Variants in SUGP2 observed in about 807,000 individuals in gnomAD.
The protein encoded by SUGP2 is SURP and G-patch domain-containing protein 2.
In SUGP2, 24 loss-of-function variants were observed where a neutral mutation model predicts 90.5. That is an observed-to-expected ratio of 0.27 (90% confidence interval 0.19 to 0.37). SUGP2 has a LOEUF of 0.37. Ranked by LOEUF, SUGP2 falls within the 10% of genes least tolerant of loss-of-function variation. The pLI, the probability that SUGP2 is intolerant of heterozygous loss-of-function variation, is 1.00. For missense variants in SUGP2, 1,233 were observed against 1,363.3 expected (o/e 0.90, Z 1.51); for synonymous variants, 473 against 513.4 (o/e 0.92, Z 1.06).
chr19:19,031,808 G>A (rs1196186766), intron 1 of SUGP2, among the ~76,000 whole-genome samples: 1 of 147,826 alleles, frequency 6.8e-6, no homozygotes, highest in African/African-American at 2.5e-5. Context: ...AGGCAAGCTG[G>A]ACCCTTTTTA....
intron 8 of SUGP2, among the ~76,000 whole-genome samples, chr19:18,996,123 G>A (rs538199465): frequency 2.6e-5 from 4 of 152,318 alleles, no homozygotes; most frequent in South Asian, 2.1e-4. Context: ...TGGGCTGGGC[G>A]TGGTGGCTCA....
intron 1 of SUGP2, among the ~76,000 whole-genome samples, chr19:19,032,205 C>T (rs937123307): frequency 6.6e-6 from 1 of 150,476 alleles, no homozygotes; most frequent in East Asian, 1.9e-4. Flanking sequence ...GTTGCCCAGG[C>T]TGGAGTGCAG....
At chr19:19,013,880 T>C (rs2058394337) in intron 4 of SUGP2, among the ~76,000 whole-genome samples, 1 of 152,246 alleles carries the variant, frequency 6.6e-6, no homozygotes, top group Non-Finnish European at 1.5e-5. Flanking sequence ...GTTGTTATCA[T>C]TTTCTAGGCT....
intron 8 of SUGP2, among the ~76,000 whole-genome samples, chr19:18,995,509 A>C (rs1210540352): frequency 6.6e-6 from 1 of 152,128 alleles, no homozygotes; most frequent in African/African-American, 2.4e-5. Context: ...CTCAGCTACC[A>C]CTATAACCCT....
chr19:19,023,759 T>C (rs576397939), intron 3 of SUGP2, among the ~76,000 whole-genome samples: 1 of 152,116 alleles, frequency 6.6e-6, no homozygotes, highest in African/African-American at 2.4e-5. Flanking sequence ...CCAGGCATGG[T>C]GGTACATGCC....
intron 4 of SUGP2, among the ~76,000 whole-genome samples, chr19:19,015,126 C>A (rs139492114): frequency 0.012 from 1,811 of 151,924 alleles, 44 homozygotes; most frequent in African/African-American, 0.041. Context: ...GGTGTGAACC[C>A]GGGAGGCAGA....
At chr19:19,010,421 T>C (rs2058265817) in intron 4 of SUGP2, 79 bp from the exon 5 acceptor site, 2 of 1,541,230 alleles carry the variant, frequency 1.3e-6, no homozygotes, top group South Asian at 2.4e-5. Context: ...ACACAAACCC[T>C]TTCTAAGTGG....
chr19:19,016,232 C>T (rs1225192175), intron 4 of SUGP2, among the ~76,000 whole-genome samples: 8 of 152,016 alleles, frequency 5.3e-5, no homozygotes, highest in Admixed American at 3.9e-4. Flanking sequence ...AGGGTTTCAC[C>T]GTGTTCGCCA....
At position 19,007,953 on chromosome 19, in the gene SUGP2, T is replaced by C. The variant is rs144159978; in HGVS notation, c.2450+364A>G. 7.5e-3 allele frequency among the ~76,000 whole-genome samples: 1,146 copies of C among 152,082 alleles called. 54 individuals are homozygous for C. Among genetic ancestry groups the C allele is most frequent in the Admixed American group, 0.066 (1,009 of 15,244 alleles). Reference sequence around the variant, plus strand: ...TTTTGTATTTTTGTAGAGATGGGGTTTTAGCATGGTGGCCAGGCTGGTCTC... The same window carrying C: ...TTTTGTATTTTTGTAGAGATGGGGTCTTAGCATGGTGGCCAGGCTGGTCTC... On this transcript the variant is annotated intron_variant, in intron 6 of 10. Transcript: ENST00000452918.
chr19:18,999,173 G>GTTTAACAATC (rs1392599297), intron 8 of SUGP2, among the ~76,000 whole-genome samples: 1 of 152,208 alleles, frequency 6.6e-6, no homozygotes, highest in Non-Finnish European at 1.5e-5. Context: ...CAATCATGAT[G>GTTTAACAATC]GTGGTTTCCT....
chr19:19,032,808 C>T (rs183029691), intron 1 of SUGP2, among the ~76,000 whole-genome samples: 1 of 152,318 alleles, frequency 6.6e-6, no homozygotes, highest in Non-Finnish European at 1.5e-5. Flanking sequence ...GGTCCAGGGG[C>T]TGCATCCTTA....
intron 10 of SUGP2, 122 bp downstream of exon 10, chr19:18,994,244 A>G: frequency 7.4e-7 from 1 of 1,359,180 alleles, no homozygotes; most frequent in Non-Finnish European, 1.0e-6. Context: ...GAATTTTGTG[A>G]TTTTTTTTGT....
intron 7 of SUGP2, among the ~76,000 whole-genome samples, chr19:19,003,270 A>C (rs1319932076): frequency 1.3e-5 from 2 of 152,248 alleles, no homozygotes; most frequent in Non-Finnish European, 2.9e-5. Flanking sequence ...TGTAGAACAC[A>C]CAGGTGACTG....
chr19:19,026,395 G>T (rs937584240), intron 2 of SUGP2, among the ~76,000 whole-genome samples, 169 bp from the exon 3 acceptor site: 1 of 152,228 alleles, frequency 6.6e-6, no homozygotes, highest in Non-Finnish European at 1.5e-5. Flanking sequence ...TAAAATGCGT[G>T]TGGTGTCACT....
In SUGP2 at chr19:19,024,642, T is replaced by G; in HGVS notation, c.1706A>C (p.Lys569Thr). The G allele has an allele frequency of 6.2e-7, 1 of 1,614,138 alleles. No homozygotes were observed. Among genetic ancestry groups the G allele is most frequent in the East Asian group, 2.2e-5 (1 of 44,884 alleles). ...IPPTKPEIQA[K>T]APSSLSDAVP... ...ACCATCACTCAGACTACTTGGAGCCTTGGCCTGAATTTCAGGTTTCGTAGG... is the reference window on the plus strand; with the variant it reads ...ACCATCACTCAGACTACTTGGAGCCGTGGCCTGAATTTCAGGTTTCGTAGG... Residue 569 changes from lysine (K) to threonine (T), a missense_variant, in exon 3 of 11, where the codon AAG becomes ACG. By Grantham distance (78) the Lys-to-Thr change is moderately conservative. Around this residue, in one of 8 missense-constraint regions of SUGP2, gnomAD observed 540 missense variants for 542.6 expected, o/e 1.00. Transcript: ENST00000452918.
At chr19:19,017,681 A>G (rs1049730980) in intron 4 of SUGP2, among the ~76,000 whole-genome samples, 2 of 152,164 alleles carry the variant, frequency 1.3e-5, no homozygotes, top group African/African-American at 2.4e-5. Context: ...CTGAGGCACA[A>G]GAATTGCTTG....
Position 19,019,166 on chromosome 19 carries a change from A to G in SUGP2, c.1793T>C (p.Ile598Thr), listed in dbSNP as rs1170936843. The change falls in exon 4 of 11, where the codon ATC becomes ACC. Residue 598 changes from isoleucine to threonine, a missense_variant. Transcript: ENST00000452918. Reference sequence around the variant, plus strand: ...CTCTTTGGGAGACAGGCTGCCTTCGATGACACGTTTCACAAGCTGGTCGAT... The same window carrying G: ...CTCTTTGGGAGACAGGCTGCCTTCGGTGACACGTTTCACAAGCTGGTCGAT... The part of the protein sequence containing the change: ...GTIDQLVKRV[I>T]EGSLSPKERT... 3 of 1,614,150 alleles carry G rather than the reference A, an allele frequency of 1.9e-6. No individual in the cohort carries two copies. Among genetic ancestry groups the G allele is most frequent in the South Asian group, 2.2e-5 (2 of 91,086 alleles).
At chr19:19,031,600 G>A (rs2059153670) in intron 1 of SUGP2, among the ~76,000 whole-genome samples, 1 of 151,898 alleles carries the variant, frequency 6.6e-6, no homozygotes, top group Non-Finnish European at 1.5e-5. Context: ...ATACTCAGGA[G>A]GCTGAGGCAT....
Position 18,995,190 on chromosome 19 carries a change from G to A in SUGP2, c.3082C>T (p.His1028Tyr). 1 of 1,613,152 alleles carries A rather than the reference G, an allele frequency of 6.2e-7. No homozygotes were observed. Among genetic ancestry groups the A allele is most frequent in the Non-Finnish European group, 8.5e-7 (1 of 1,179,970 alleles). The change falls in exon 9 of 11, where the codon CAT becomes TAT. Residue 1028 changes from histidine to tyrosine, a missense_variant. Around this residue, in one of 8 missense-constraint regions of SUGP2, gnomAD observed 105 missense variants for 155.2 expected, o/e 0.68. Coordinates refer to ENST00000452918, the MANE Select transcript of SUGP2 (RefSeq NM_001017392.5). ...CCCTTTCCGAGGGAGCCCAGGCCAT[G>A]GCCCTCCTTCCAGCCCATCTTCTGC... is the stretch of plus-strand genomic sequence containing the variant. ...MLQKMGWKEG[H>Y]GLGSLGKGIR...
Sources: gnomAD v4.1 joint callset for allele counts (sites outside exome capture counted in the v4.1 genomes callset) on GRCh38, gnomAD v4.1.1 for gene constraint, gnomAD v4.1.1 regional missense constraint, MANE v1.5 for transcripts, NCBI Gene and HGNC (gene_info 2026-07-23, HGNC 2026-07-21) for gene names.